Variants in MICALL2 observed in about 807,000 individuals in gnomAD.
MICALL2 encodes MICAL-like protein 2.
A neutral mutation model predicts 91.1 loss-of-function variants in MICALL2; 111 were observed. The observed-to-expected ratio is 1.22, with a 90% CI of 1.04 to 1.43. The LOEUF (loss-of-function observed/expected upper bound fraction) is 1.43, where lower values mean the gene tolerates loss of function less well. Among genes scored for constraint, MICALL2 ranks in the 40% most tolerant of loss-of-function variants. MICALL2 has a pLI of 0.00. For synonymous variants in MICALL2, 694 were observed against 525.3 expected (o/e 1.32, Z -4.39); for missense variants, 1,556 against 1,236.0 (o/e 1.26, Z -3.88).
intron 10 of MICALL2, 43 bp from the exon 11 acceptor site, chr7:1,438,396 G>A (rs747736981): frequency 2.4e-5 from 38 of 1,568,742 alleles, no homozygotes; most frequent in African/African-American, 2.7e-5. Flanking sequence ...TGGGCCACCA[G>A]GCCCAACGTG....
rs1027914066 is a variant in MICALL2 at position 1,452,776 on chromosome 7, T to A, written c.144-2488A>T. 5.3e-5 allele frequency among the ~76,000 whole-genome samples: 8 copies of A among 151,314 alleles called. No individual in the cohort carries two copies. Among genetic ancestry groups the A allele is most frequent in the African/African-American group, 1.9e-4 (8 of 41,092 alleles). On this transcript the variant is annotated intron_variant, in intron 1 of 16. Coordinates refer to ENST00000297508, the MANE Select transcript of MICALL2 (RefSeq NM_182924.4). This position sits in a 1 kb window ranked among gnomAD's most constrained non-coding sequence, Gnocchi z 6.2. ...ACACGGCACAGGTCTGGGCTGCGAG[T>A]TCAAGCATCGCGGCCTCAGGATGAG... is the stretch of plus-strand genomic sequence containing the variant.
chr7:1,449,869 G>A (rs112215593), intron 2 of MICALL2, among the ~76,000 whole-genome samples: 161 of 152,378 alleles, frequency 1.1e-3, no homozygotes, highest in African/African-American at 3.7e-3. Flanking sequence ...GGTGGGAGTG[G>A]CAGCAGGCCC....
Position 1,450,267 on chromosome 7 carries a change from CT to C in MICALL2, c.164del (p.Lys55ArgfsTer33). On this transcript the variant is annotated frameshift_variant, in exon 2 of 17. Coordinates refer to ENST00000297508, the MANE Select transcript of MICALL2 (RefSeq NM_182924.4). LOFTEE classifies it high-confidence loss of function. ...PDLINFSALK[K>X]ENIYENNKLA... ...GTTTATTGTTTTCATAAATATTTTC[CT>C]TCTTGAGAGCACTGAAGTTTCTGGA... The C allele has an allele frequency of 6.2e-7, 1 of 1,613,082 alleles. No homozygotes were observed. Among genetic ancestry groups the C allele is most frequent in the Non-Finnish European group, 8.5e-7 (1 of 1,179,894 alleles).
At chr7:1,458,492 G>A (rs780025869) in intron 1 of MICALL2, among the ~76,000 whole-genome samples, 5 of 152,244 alleles carry the variant, frequency 3.3e-5, no homozygotes, top group Non-Finnish European at 5.9e-5. Context: ...CGTTTGCTGA[G>A]TGAATAAACA....
chr7:1,458,411 C>A (rs1206830384), intron 1 of MICALL2, among the ~76,000 whole-genome samples: 1 of 152,230 alleles, frequency 6.6e-6, no homozygotes, highest in Non-Finnish European at 1.5e-5. Flanking sequence ...CCTTCCTGAG[C>A]GTCTGGCCCC....
At chr7:1,444,598 G>A (rs996381014) in intron 6 of MICALL2, 54 bp downstream of exon 6, 18 of 1,544,502 alleles carry the variant, frequency 1.2e-5, no homozygotes, top group South Asian at 1.1e-4. Context: ...CCGGGGCCCC[G>A]CTGGCTGGTG....
At chr7:1,455,609 A>G (rs1364846708) in intron 1 of MICALL2, among the ~76,000 whole-genome samples, 2 of 151,980 alleles carry the variant, frequency 1.3e-5, no homozygotes, top group Admixed American at 6.5e-5. Flanking sequence ...AACATGGTAC[A>G]CAGGAATGTC....
intron 1 of MICALL2, among the ~76,000 whole-genome samples, chr7:1,455,736 G>A (rs982031872): frequency 5.3e-5 from 8 of 151,984 alleles, no homozygotes; most frequent in Non-Finnish European, 8.8e-5. Context: ...CTCTCCCTGA[G>A]GGCCAAGCGG....
At chr7:1,454,300 T>A (rs1248701349) in intron 1 of MICALL2, among the ~76,000 whole-genome samples, 1 of 150,758 alleles carries the variant, frequency 6.6e-6, no homozygotes, top group Non-Finnish European at 1.5e-5. Context: ...CAGAGAGAGC[T>A]GGAGAGAGAG....
rs1364698274 is a variant in MICALL2, at chr7:1,446,552, G to C, written c.641+161C>G. 8.8e-6 allele frequency: 5 copies of C among 567,182 alleles called. No individual in the cohort carries two copies. The East Asian group carries it at 1.6e-4, about 18-fold the overall frequency. The allele number at this position is 567,182 out of a possible 1,614,324, so 35.1% of individuals were successfully genotyped here. ...GGGGAGGAGAGGGGAGGAGGCGGGA[G>C]GAGGGGAGACGGGGAGGGGGAGGGG... On this transcript the variant is annotated intron_variant, in intron 5 of 16. Transcript: ENST00000297508.
chr7:1,437,725 C>CT (rs1436203992), intron 13 of MICALL2, 117 bp from the exon 14 acceptor site: 5 of 1,275,856 alleles, frequency 3.9e-6, no homozygotes, highest in African/African-American at 3.0e-5. Flanking sequence ...AGGCCTGACT[C>CT]GCCGCCCGTC....
intron 1 of MICALL2, among the ~76,000 whole-genome samples, chr7:1,455,384 G>A (rs142811277): frequency 3.3e-5 from 5 of 152,330 alleles, no homozygotes; most frequent in Admixed American, 6.5e-5. Context: ...GGGGGCAGGC[G>A]CCCTGAGGCC....
In MICALL2 at chr7:1,440,624, A is replaced by T; in HGVS notation, c.1772T>A (p.Leu591Gln). 1.2e-6 allele frequency: 2 copies of T among 1,612,694 alleles called. No individual in the cohort carries two copies. Among genetic ancestry groups the T allele is most frequent in the East Asian group, 4.5e-5 (2 of 44,874 alleles). Residue 591 changes from leucine (L) to glutamine (Q), a missense_variant, in exon 8 of 17, where the codon CTG becomes CAG. Leu to Gln is a moderately radical substitution (Grantham distance 113). Transcript: ENST00000297508. ...EDGPAGWRAN[L>Q]KPVDRRSPAE... ...TGGGCTTCTCCTGTCCACGGGCTTC[A>T]GATTCGCTCTCCATCCTGCCGGCCC...
chr7:1,459,285 C>A lies in MICALL2; in HGVS notation c.42G>T (p.Gln14His). 3 of 1,602,726 alleles carry A rather than the reference C, an allele frequency of 1.9e-6. No homozygotes were observed. Among genetic ancestry groups the A allele is most frequent in the Non-Finnish European group, 2.6e-6 (3 of 1,175,798 alleles). The stretch of plus-strand genomic sequence containing the variant: ...TATTCACGTCGCGGTAGCCCTCGCA[C>A]TGCTGCCGGCACCACTGTTGCAGCG... ...IRALQQWCRQ[Q>H]CEGYRDVNIC... is the part of the protein sequence containing the mutation. The change falls in exon 1 of 17, where the codon CAG becomes CAT. Residue 14 changes from glutamine (Q) to histidine (H), a missense_variant. Coordinates refer to ENST00000297508, the MANE Select transcript of MICALL2 (RefSeq NM_182924.4).
At chr7:1,446,953 G>A in intron 4 of MICALL2, 125 bp from the exon 5 acceptor site, 1 of 689,192 alleles carries the variant, frequency 1.5e-6, no homozygotes, top group Non-Finnish European at 2.4e-6. Flanking sequence ...GGAGCCGCCA[G>A]CAGGGCTGCG....
At chr7:1,457,419 G>C (rs1018928488) in intron 1 of MICALL2, among the ~76,000 whole-genome samples, 3 of 152,162 alleles carry the variant, frequency 2.0e-5, no homozygotes, top group Non-Finnish European at 4.4e-5. Flanking sequence ...CCTCCTTCCT[G>C]TTCTGGCCTC....
intron 2 of MICALL2, 59 bp downstream of exon 2, chr7:1,450,181 T>G: frequency 7.0e-7 from 1 of 1,420,772 alleles, no homozygotes. Context: ...CCCTCGGACG[T>G]GGGTGGGGCT....
chr7:1,442,094 G>C, intron 7 of MICALL2, 98 bp downstream of exon 7: 1 of 1,351,260 alleles, frequency 7.4e-7, no homozygotes, highest in Non-Finnish European at 1.0e-6. Flanking sequence ...AGGCGGGCGG[G>C]GCTGATGATG....
intron 4 of MICALL2, 24 bp from the exon 5 acceptor site, chr7:1,446,852 C>CT: frequency 6.6e-7 from 1 of 1,505,016 alleles, no homozygotes; most frequent in Non-Finnish European, 9.0e-7. Context: ...CAGCACCTCT[C>CT]TGAGCAGCCG....
Sources: gnomAD v4.1 joint callset for allele counts (sites outside exome capture counted in the v4.1 genomes callset) on GRCh38, gnomAD v4.1.1 for gene constraint, Gnocchi (gnomAD v3.1) non-coding constraint, MANE v1.5 for transcripts, NCBI Gene and HGNC (gene_info 2026-07-23, HGNC 2026-07-21) for gene names.